RIIAD1: variants seen among roughly 807,000 people sequenced by gnomAD.
RIIAD1 encodes the protein regulatory subunit of type II PKA R-subunit domain containing 1.
Under a neutral mutation model 13.3 loss-of-function variants are expected in RIIAD1, and 15 were observed. The ratio of observed to expected loss-of-function variants is 1.13; its 90% CI spans 0.76 to 1.74. The LOEUF (loss-of-function observed/expected upper bound fraction) is 1.74, where lower values mean the gene tolerates loss of function less well. Ranked by LOEUF, RIIAD1 falls within the 40% of genes most tolerant of loss-of-function variation. The pLI, the probability that RIIAD1 is intolerant of heterozygous loss-of-function variation, is 0.00. For missense variants in RIIAD1, 121 were observed against 112.2 expected (o/e 1.08, Z -0.35); for synonymous variants, 50 against 43.3 (o/e 1.16, Z -0.61).
intron 2 of RIIAD1, among the ~76,000 whole-genome samples, chr1:151,723,410 A>T (rs1361183768): frequency 6.7e-6 from 1 of 149,394 alleles, no homozygotes; most frequent in Admixed American, 6.6e-5. Context: ...AACAAAAAAA[A>T]GTTGGCCAGG....
intron 3 of RIIAD1, chr1:151,714,320 G>T: frequency 1.7e-6 from 1 of 602,116 alleles, no homozygotes; most frequent in South Asian, 2.0e-5. Flanking sequence ...CCTCCCTCTA[G>T]TGTTGCCCCA....
intron 4 of RIIAD1, chr1:151,715,570 C>T (rs1208384669): frequency 1.5e-5 from 21 of 1,360,410 alleles, no homozygotes; most frequent in Non-Finnish European, 3.9e-6. Context: ...CAAACCAGCT[C>T]TCTTGTCCCT....
In RIIAD1 at chr1:151,714,521, A is replaced by G. The variant is rs187852290; in HGVS notation, c.13A>G (p.Arg5Gly). The G allele has an allele frequency of 2.5e-5, 26 of 1,056,354 alleles. 1 individual carries two copies. The Middle Eastern group carries it at 2.2e-3, about 89-fold the overall frequency. The allele number at this position is 1,056,354 out of a possible 1,614,324, so 65.4% of individuals were successfully genotyped here. A position where few individuals can be genotyped will look rare whatever the true frequency, so the allele number is the denominator to read the frequency against. The change falls in exon 4 of 9, where the codon AGG becomes GGG. Residue 5 changes from arginine to glycine, a missense_variant. Transcript: ENST00000326413. ...GGAGGTGGAAATTATGCTCAGTGTC[A>G]GGAGGGTGGTGAGCCTCCTGCCACT...
chr1:151,711,951 CAA>C (rs1673058902), exon 2 of RIIAD1: 1 of 152,240 alleles, frequency 6.6e-6, no homozygotes, highest in South Asian at 2.1e-4. Flanking sequence ...TGGATTCGCA[CAA>C]AGAGACACAC....
intron 4 of RIIAD1, chr1:151,714,694 C>A (rs1171759315): frequency 6.5e-7 from 1 of 1,536,648 alleles, no homozygotes; most frequent in Admixed American, 2.0e-5. Context: ...GGGGCAGGGG[C>A]AGAGAAACAC....
chr1:151,716,773 C>T (rs1162671221), upstream of RIIAD1: 1 of 465,906 alleles, frequency 2.1e-6, no homozygotes, highest in South Asian at 1.6e-5. Context: ...CGGAGCTCTG[C>T]TCTCCGGCCG....
intron 4 of RIIAD1, chr1:151,715,827 C>A: frequency 1.3e-6 from 2 of 1,596,530 alleles, no homozygotes; most frequent in Non-Finnish European, 1.7e-6. Flanking sequence ...TAACTTCCCC[C>A]AGCCTCCCAG....
intron 4 of RIIAD1, chr1:151,714,742 G>C: frequency 2.6e-6 from 3 of 1,164,076 alleles, no homozygotes; most frequent in Admixed American, 2.0e-5. Context: ...TCTCTGAAAG[G>C]CTCCCTTCCA....
At chr1:151,715,736 C>G (rs927825330) in intron 4 of RIIAD1, 1 of 1,587,824 alleles carries the variant, frequency 6.3e-7, no homozygotes, top group East Asian at 2.3e-5. Context: ...TTTTTCAGCT[C>G]CTCCATCCAC....
In RIIAD1 at chr1:151,727,557, T is replaced by C. The variant is rs1436734335; in HGVS notation, c.162-18T>C. 4.6e-6 allele frequency: 7 copies of C among 1,529,372 alleles called. No individual in the cohort carries two copies. The highest frequency in any genetic ancestry group is 4.4e-6 in the Non-Finnish European group (5 of 1,126,790). The allele number at this position is 1,529,372 out of a possible 1,614,324, so 94.7% of individuals were successfully genotyped here. A position where few individuals can be genotyped will look rare whatever the true frequency, so the allele number is the denominator to read the frequency against. Reference sequence around the variant, plus strand: ...AAAGTCTACTTTACCTCCCATCCTATCCCTTAATGTTTTCCAGAGAAATAT... The same window carrying C: ...AAAGTCTACTTTACCTCCCATCCTACCCCTTAATGTTTTCCAGAGAAATAT... On this transcript the variant is annotated intron_variant, in intron 2 of 4. Transcript: ENST00000479191.
At chr1:151,714,581 G>C in intron 4 of RIIAD1, 1 of 1,549,960 alleles carries the variant, frequency 6.5e-7, no homozygotes, top group Non-Finnish European at 8.7e-7. Flanking sequence ...GCCCTGCAAA[G>C]GGCAGGACTC....
intron 3 of RIIAD1, among the ~76,000 whole-genome samples, chr1:151,713,911 G>A (rs11807133): frequency 0.028 from 4,327 of 152,236 alleles, 197 homozygotes; most frequent in African/African-American, 0.097. Flanking sequence ...TTGCAGGAGA[G>A]GGGCCACCTC....
At chr1:151,717,016 A>C (rs2101496782), upstream of RIIAD1, among the ~76,000 whole-genome samples, 1 of 150,908 alleles carries the variant, frequency 6.6e-6, no homozygotes, top group Middle Eastern at 3.4e-3. Context: ...CCCCCATCTT[A>C]CTCCCCAGTC....
intron 3 of RIIAD1, chr1:151,728,538 C>T: frequency 1.9e-6 from 1 of 515,434 alleles, no homozygotes; most frequent in Non-Finnish European, 3.4e-6. Context: ...GGCAGCCAGC[C>T]TCTGGGAGCC....
At chr1:151,728,914 C>A in intron 4 of RIIAD1, 21 bp downstream of exon 4, 1 of 760,668 alleles carries the variant, frequency 1.3e-6, no homozygotes, top group Non-Finnish European at 2.3e-6. Flanking sequence ...ACCTCACTTA[C>A]AGACAGAGGC....
chr1:151,722,960 A>G (rs893209503), intron 2 of RIIAD1, among the ~76,000 whole-genome samples: 3 of 152,254 alleles, frequency 2.0e-5, no homozygotes, highest in Non-Finnish European at 4.4e-5. Flanking sequence ...AAGCTTAGAA[A>G]GGTGAAGTAC....
chr1:151,720,117 A>T (rs1316033122), upstream of RIIAD1, among the ~76,000 whole-genome samples: 1 of 152,148 alleles, frequency 6.6e-6, no homozygotes, highest in Non-Finnish European at 1.5e-5. Flanking sequence ...TATTAATGAG[A>T]TTTTTTTCAT....
chr1:151,729,219 G>T (rs1429641270), intron 4 of RIIAD1, among the ~76,000 whole-genome samples: 2 of 152,100 alleles, frequency 1.3e-5, no homozygotes, highest in African/African-American at 4.8e-5. Context: ...GTTCCTGCTG[G>T]TGGCCTTTCC....
chr1:151,717,096 G>A (rs1450629194), upstream of RIIAD1, among the ~76,000 whole-genome samples: 1 of 152,134 alleles, frequency 6.6e-6, no homozygotes, highest in Non-Finnish European at 1.5e-5. Context: ...TTGTTCCGGG[G>A]GCTGGAGCTG....
Sources: allele counts gnomAD v4.1 joint callset (sites outside exome capture counted in the v4.1 genomes callset), GRCh38; gene constraint gnomAD v4.1.1; transcripts MANE v1.5; gene names NCBI Gene and HGNC (gene_info 2026-07-23, HGNC 2026-07-21).